The following SNTG1 variants were observed in gnomAD, a reference collection of about 807,000 sequenced individuals.
SNTG1 encodes the protein gamma-1-syntrophin.
Under a neutral mutation model 74.7 loss-of-function variants are expected in SNTG1, and 39 were observed. The ratio of observed to expected loss-of-function variants is 0.52; its 90% CI spans 0.40 to 0.68. The LOEUF (loss-of-function observed/expected upper bound fraction) is 0.68. SNTG1 is among the 30% of genes least tolerant of loss of function. The pLI is 0.00. For missense variants in SNTG1, 685 were observed against 609.5 expected (o/e 1.12, Z -1.30); for synonymous variants, 254 against 217.1 (o/e 1.17, Z -1.49).
chr8:50,007,395 G>T (rs1815342401), intron 1 of SNTG1, among the ~76,000 whole-genome samples: 8 of 152,142 alleles, frequency 5.3e-5, no homozygotes, highest in Admixed American at 5.2e-4. Flanking sequence ...TGGGGAGGAG[G>T]AGGGAGAGAT....
intron 1 of SNTG1, among the ~76,000 whole-genome samples, chr8:50,142,967 G>A (rs954352362): frequency 6.6e-6 from 1 of 151,884 alleles, no homozygotes; most frequent in Non-Finnish European, 1.5e-5. Context: ...CCAGCTACTC[G>A]GGAGGCTGAG....
At chr8:50,687,774 A>C (rs1254887744) in intron 15 of SNTG1, among the ~76,000 whole-genome samples, 1 of 151,508 alleles carries the variant, frequency 6.6e-6, no homozygotes, top group Non-Finnish European at 1.5e-5. Context: ...TCCTGTGTCC[A>C]TGTGTTCTCA....
At chr8:50,523,703 C>A (rs773350839) in intron 9 of SNTG1, among the ~76,000 whole-genome samples, 1 of 151,948 alleles carries the variant, frequency 6.6e-6, no homozygotes, top group Non-Finnish European at 1.5e-5. Flanking sequence ...CACCATACCA[C>A]GTATAATAAT....
chr8:50,371,878 C>T (rs530767243), intron 2 of SNTG1, among the ~76,000 whole-genome samples: 60 of 152,182 alleles, frequency 3.9e-4, no homozygotes, highest in Non-Finnish European at 6.5e-4. Flanking sequence ...TACCATTTGT[C>T]TAGAGTATCT....
At chr8:50,240,997 TCAAA>T (rs1189099635) in intron 2 of SNTG1, among the ~76,000 whole-genome samples, 1 of 152,130 alleles carries the variant, frequency 6.6e-6, no homozygotes, top group Non-Finnish European at 1.5e-5. Context: ...CTTGATAAAT[TCAAA>T]CAATGTCCAC....
At chr8:50,621,949 C>T (rs1350915914) in intron 13 of SNTG1, among the ~76,000 whole-genome samples, 1 of 152,130 alleles carries the variant, frequency 6.6e-6, no homozygotes, top group Non-Finnish European at 1.5e-5. Context: ...TCCTCTGCTC[C>T]AGCCTTGCTC....
chr8:50,191,486 A>G (rs899301636), intron 2 of SNTG1, among the ~76,000 whole-genome samples: 1 of 152,156 alleles, frequency 6.6e-6, no homozygotes, highest in Admixed American at 6.6e-5. Flanking sequence ...TTGCCTCACT[A>G]TCTTTGGTTA....
chr8:50,254,721 C>G (rs1451430611), intron 2 of SNTG1, among the ~76,000 whole-genome samples: 1 of 151,978 alleles, frequency 6.6e-6, no homozygotes, highest in African/African-American at 2.4e-5. Flanking sequence ...TGATGCGTGC[C>G]TGTAGTCCCA....
intron 8 of SNTG1, among the ~76,000 whole-genome samples, chr8:50,475,539 G>A (rs1288792034): frequency 1.3e-5 from 2 of 152,050 alleles, no homozygotes; most frequent in African/African-American, 2.4e-5. Flanking sequence ...TGCCATTTCC[G>A]TGTGTTCCTT....
chr8:50,119,866 G>A (rs2080939492), intron 1 of SNTG1, among the ~76,000 whole-genome samples: 1 of 141,886 alleles, frequency 7.0e-6, no homozygotes, highest in South Asian at 2.6e-4. Context: ...TGCTGTTACA[G>A]GAAAGTGCAA....
intron 13 of SNTG1, among the ~76,000 whole-genome samples, chr8:50,626,555 A>G (rs2094957530): frequency 6.6e-6 from 1 of 152,250 alleles, no homozygotes; most frequent in African/African-American, 2.4e-5. Flanking sequence ...TCTGTAGATT[A>G]TAGATTAACT....
At chr8:50,136,908 A>G (rs1218089530) in intron 1 of SNTG1, among the ~76,000 whole-genome samples, 6 of 151,992 alleles carry the variant, frequency 3.9e-5, no homozygotes, top group Admixed American at 3.9e-4. Context: ...GAGACTCTTT[A>G]AAACCAACAC....
At chr8:50,759,747 G>A (rs1256663382) in intron 18 of SNTG1, among the ~76,000 whole-genome samples, 1 of 152,002 alleles carries the variant, frequency 6.6e-6, no homozygotes, top group Non-Finnish European at 1.5e-5. Flanking sequence ...GGTTACTGTA[G>A]CCTTGTAGTA....
chr8:50,625,673 T>A (rs1038169629), intron 13 of SNTG1, among the ~76,000 whole-genome samples: 5 of 152,204 alleles, frequency 3.3e-5, no homozygotes, highest in African/African-American at 1.2e-4. Flanking sequence ...TAAATACTCT[T>A]AAATCCCATC....
chr8:50,500,723 C>T (rs1290700261), intron 8 of SNTG1, among the ~76,000 whole-genome samples: 1 of 152,020 alleles, frequency 6.6e-6, no homozygotes, highest in African/African-American at 2.4e-5. Context: ...GTTCCATTTA[C>T]AATATATGTT....
At chr8:50,258,577 C>T (rs542172570) in intron 2 of SNTG1, among the ~76,000 whole-genome samples, 108 of 151,760 alleles carry the variant, frequency 7.1e-4, no homozygotes, top group Non-Finnish European at 1.5e-3. Flanking sequence ...AGAATATCAA[C>T]AAAAATAAAT....
At chr8:50,104,317 C>A (rs1374225617) in intron 1 of SNTG1, among the ~76,000 whole-genome samples, 2 of 152,124 alleles carry the variant, frequency 1.3e-5, no homozygotes, top group African/African-American at 4.8e-5. Flanking sequence ...GGAGTTTATC[C>A]ATTTCTTCTA....
chr8:50,766,194 T>C (rs1034131400), intron 18 of SNTG1, among the ~76,000 whole-genome samples: 4 of 151,942 alleles, frequency 2.6e-5, no homozygotes, highest in African/African-American at 9.7e-5. Context: ...ACATTTTTCA[T>C]CCCGAAAATA....
At chr8:50,190,573 C>T (rs1040005770) in intron 2 of SNTG1, among the ~76,000 whole-genome samples, 4 of 152,114 alleles carry the variant, frequency 2.6e-5, no homozygotes, top group African/African-American at 9.7e-5. Context: ...AATCATCACA[C>T]TGGTGTTCTT....
Sources: gnomAD v4.1 joint callset for allele counts (sites outside exome capture counted in the v4.1 genomes callset) on GRCh38, gnomAD v4.1.1 for gene constraint, MANE v1.5 for transcripts, NCBI Gene and HGNC (gene_info 2026-07-23, HGNC 2026-07-21) for gene names.